Variants in DNAH11 observed in about 807,000 individuals in gnomAD.
The protein encoded by DNAH11 is dynein axonemal heavy chain 11.
A neutral mutation model predicts 526.0 loss-of-function variants in DNAH11; 442 were observed. That is an observed-to-expected ratio of 0.84 (90% CI 0.78 to 0.91). The LOEUF is 0.91. Among genes scored for constraint, DNAH11 ranks in the 40% least tolerant of loss-of-function variants. DNAH11 has a pLI of 0.00. For missense variants in DNAH11, 6,989 were observed against 5,448.7 expected (o/e 1.28, Z -8.90); for synonymous variants, 2,461 against 1,935.9 (o/e 1.27, Z -7.12).
chr7:21,693,776 C>T (rs1189504915), intron 35 of DNAH11, among the ~76,000 whole-genome samples: 1 of 152,042 alleles, frequency 6.6e-6, no homozygotes, highest in African/African-American at 2.4e-5. Context: ...CATTCTCACA[C>T]TGCTATAAGT....
At chr7:21,734,620 G>T (rs1269215704) in intron 45 of DNAH11, among the ~76,000 whole-genome samples, 2 of 152,198 alleles carry the variant, frequency 1.3e-5, no homozygotes, top group Non-Finnish European at 2.9e-5. Flanking sequence ...CCTTTGGGAG[G>T]CTGAGGCAGG....
chr7:21,634,323 G>A (rs904035376), intron 25 of DNAH11, among the ~76,000 whole-genome samples: 1 of 152,178 alleles, frequency 6.6e-6, no homozygotes, highest in Non-Finnish European at 1.5e-5. Flanking sequence ...TGAGAATAGA[G>A]CATTGGAAAA....
intron 42 of DNAH11, 113 bp from the exon 43 acceptor site, chr7:21,717,662 C>T (rs1301822421): frequency 4.8e-6 from 6 of 1,253,456 alleles, no homozygotes; most frequent in Middle Eastern, 2.3e-4. Context: ...ACTCACTAAA[C>T]GTGTCCTTGA....
intron 77 of DNAH11, 115 bp from the exon 78 acceptor site, chr7:21,894,508 C>T (rs1165525066): frequency 9.2e-7 from 1 of 1,081,090 alleles, no homozygotes; most frequent in Non-Finnish European, 1.3e-6. Context: ...CATTTGCAGG[C>T]ACCTTCGGAA....
rs1325184788 is a variant in DNAH11 at position 21,873,239 on chromosome 7, C to T, written c.11968-35C>T. 8 of 1,486,014 alleles carry T rather than the reference C, an allele frequency of 5.4e-6. No individual in the cohort carries two copies. In the Admixed American group the frequency reaches 1.6e-4, roughly 29 times the overall value. The allele number at this position is 1,486,014 out of a possible 1,614,324, so 92.1% of individuals were successfully genotyped here. On this transcript the variant is annotated intron_variant, in intron 73 of 81. Coordinates refer to ENST00000409508, the MANE Select transcript of DNAH11 (RefSeq NM_001277115.2). ...CTTATAATTCAAGTAATATGCCTCA[C>T]CTTCACAGGAATTATGCACCATGCT...
intron 25 of DNAH11, among the ~76,000 whole-genome samples, chr7:21,634,993 T>C (rs1051871610): frequency 3.9e-5 from 6 of 152,164 alleles, no homozygotes; most frequent in African/African-American, 1.2e-4. Context: ...ACATTAATTA[T>C]AGCATTCTTT....
At chr7:21,807,533 C>T (rs1229456278) in intron 62 of DNAH11, among the ~76,000 whole-genome samples, 2 of 152,140 alleles carry the variant, frequency 1.3e-5, no homozygotes, top group South Asian at 2.1e-4. Context: ...TCGTTCTTGG[C>T]CACAGCTCTT....
At position 21,588,197 on chromosome 7, in the gene DNAH11, A is replaced by T; in HGVS notation, c.1844A>T (p.Lys615Ile). The change falls in exon 10 of 82, where the codon AAA becomes ATA. Residue 615 changes from lysine (K) to isoleucine (I), a missense_variant. Lys to Ile is a moderately radical substitution (Grantham distance 102, BLOSUM62 -3). Coordinates refer to ENST00000409508, the MANE Select transcript of DNAH11 (RefSeq NM_001277115.2). ...AAGCAACTGTATAATGAACACATGA[A>T]ACAGGTAAGTGGTGGATAAGGTTGG... Reference protein sequence around the residue: ...VCKQLYNEHMKQIECGHVVLN... With the variant: ...VCKQLYNEHMIQIECGHVVLN... The T allele has an allele frequency of 6.2e-7, 1 of 1,611,316 alleles. No individual in the cohort carries two copies.
At chr7:21,635,225 C>G (rs1786803560) in intron 25 of DNAH11, among the ~76,000 whole-genome samples, 1 of 152,112 alleles carries the variant, frequency 6.6e-6, no homozygotes. Context: ...GGCGTGATCT[C>G]AGCTCACTGC....
chr7:21,763,353 A>AAAAAAAAAAAAAAAAG (rs66803559), intron 54 of DNAH11, among the ~76,000 whole-genome samples: 5 of 56,962 alleles, frequency 8.8e-5, no homozygotes, highest in Non-Finnish European at 1.4e-4. Flanking sequence ...AAAAAAAAAA[A>AAAAAAAAAAAAAAAAG]AAAGAAAAAA....
At chr7:21,606,858 C>A in intron 20 of DNAH11, 125 bp downstream of exon 20, 1 of 844,644 alleles carries the variant, frequency 1.2e-6, no homozygotes, top group South Asian at 1.7e-5. Context: ...TTATTTAAAA[C>A]CCAGTTATAA....
At chr7:21,604,434 CT>C (rs1785207265) in intron 18 of DNAH11, among the ~76,000 whole-genome samples, 1 of 152,176 alleles carries the variant, frequency 6.6e-6, no homozygotes, top group South Asian at 2.1e-4. Context: ...TATCCAGTCC[CT>C]TTTCTGCTCA....
chr7:21,750,500 G>A (rs1157811201), intron 54 of DNAH11, 136 bp downstream of exon 54: 3 of 1,178,460 alleles, frequency 2.5e-6, no homozygotes, highest in East Asian at 2.5e-5. Flanking sequence ...TTACACGCCT[G>A]TATCTGGAGC....
At chr7:21,805,341 T>G (rs59783196) in intron 62 of DNAH11, among the ~76,000 whole-genome samples, 1 of 152,278 alleles carries the variant, frequency 6.6e-6, no homozygotes, top group African/African-American at 2.4e-5. Context: ...AACAGGAAAC[T>G]TCACCATTTT....
At chr7:21,555,566 G>A (rs755575042) in intron 2 of DNAH11, among the ~76,000 whole-genome samples, 5 of 152,200 alleles carry the variant, frequency 3.3e-5, no homozygotes, top group African/African-American at 7.2e-5. Context: ...ATTGGGATTC[G>A]AACTCCGCAC....
intron 38 of DNAH11, among the ~76,000 whole-genome samples, 185 bp from the exon 39 acceptor site, chr7:21,705,275 C>G (rs1253232175): frequency 6.6e-6 from 1 of 152,142 alleles, no homozygotes; most frequent in Non-Finnish European, 1.5e-5. Flanking sequence ...GCCCTGTGGT[C>G]TACATGGGAG....
At position 21,685,490 on chromosome 7, in the gene DNAH11, AT is replaced by A. The variant is rs1400922615; in HGVS notation, c.5621+1548del. Among the ~76,000 whole-genome samples the A allele has an allele frequency of 8.5e-5, 13 of 152,310 alleles. No homozygotes were observed. In the South Asian group the frequency reaches 2.5e-3, roughly 29 times the overall value. ...GATAAAATGTTTCCATTTCCATTTCATTCTTTGAATTATTTACTAATTGTTT... is the reference window on the plus strand; with the variant it reads ...GATAAAATGTTTCCATTTCCATTTCATCTTTGAATTATTTACTAATTGTTT... On this transcript the variant is annotated intron_variant, in intron 32 of 81. Coordinates refer to ENST00000409508, the MANE Select transcript of DNAH11 (RefSeq NM_001277115.2).
intron 30 of DNAH11, among the ~76,000 whole-genome samples, chr7:21,669,773 T>C (rs1041192343): frequency 3.9e-5 from 6 of 152,140 alleles, no homozygotes; most frequent in Non-Finnish European, 8.8e-5. Context: ...TCCCATTAGG[T>C]CTGCAATCCA....
At chr7:21,830,267 T>C (rs1426604960) in intron 65 of DNAH11, among the ~76,000 whole-genome samples, 2 of 137,670 alleles carry the variant, frequency 1.5e-5, no homozygotes, top group Non-Finnish European at 3.1e-5. Flanking sequence ...GAATGATTTA[T>C]TGTAAAAAAA....
Sources: allele counts gnomAD v4.1 joint callset (sites outside exome capture counted in the v4.1 genomes callset), GRCh38; gene constraint gnomAD v4.1.1; transcripts MANE v1.5; gene names NCBI Gene and HGNC (gene_info 2026-07-23, HGNC 2026-07-21).